The following OLAH variants were observed in gnomAD, a reference collection of about 807,000 sequenced individuals.
OLAH encodes S-acyl fatty acid synthase thioesterase, medium chain.
Under a neutral mutation model 27.8 loss-of-function variants are expected in OLAH, and 33 were observed. The ratio of observed to expected loss-of-function variants is 1.19; its 90% CI spans 0.90 to 1.59. The LOEUF is 1.59. Ranked by LOEUF, OLAH falls within the 40% of genes most tolerant of loss-of-function variation. The pLI is 0.00. For synonymous variants in OLAH, 120 were observed against 102.9 expected, an observed-to-expected ratio of 1.17 and a Z score of -1.01; for missense variants, 359 against 310.8, an observed-to-expected ratio of 1.16 and a Z score of -1.17.
intron 6 of OLAH, among the ~76,000 whole-genome samples, chr10:15,069,923 C>T (rs1484690260): frequency 6.6e-6 from 1 of 152,024 alleles, no homozygotes; most frequent in East Asian, 1.9e-4. Context: ...TCTAACACAC[C>T]GTTCTCACTG....
chr10:15,057,115 T>G, intron 3 of OLAH: 1 of 1,154,044 alleles, frequency 8.7e-7, no homozygotes, highest in East Asian at 3.2e-5. Flanking sequence ...TTTATGCTTT[T>G]TATGGCTTGC....
At chr10:15,044,512 T>G (rs1843978778) in intron 1 of OLAH, among the ~76,000 whole-genome samples, 1 of 151,988 alleles carries the variant, frequency 6.6e-6, no homozygotes. Flanking sequence ...TGGAGTACAA[T>G]GGTGCAATCT....
chr10:15,063,561 C>T (rs984820874), intron 4 of OLAH, among the ~76,000 whole-genome samples: 2 of 152,182 alleles, frequency 1.3e-5, no homozygotes, highest in East Asian at 3.8e-4. Context: ...CAACCTCTGG[C>T]AGTTTTGTCA....
intron 3 of OLAH, among the ~76,000 whole-genome samples, chr10:15,056,623 C>T (rs542155625): frequency 2.6e-4 from 38 of 146,440 alleles, no homozygotes; most frequent in Non-Finnish European, 3.3e-4. Context: ...CCTTCCTTTC[C>T]TTCCTTCCTT....
intron 1 of OLAH, among the ~76,000 whole-genome samples, chr10:15,035,653 T>C (rs1029373851): frequency 2.0e-5 from 3 of 151,878 alleles, no homozygotes; most frequent in Non-Finnish European, 2.9e-5. Context: ...CCAAACTATA[T>C]CAAGCGCCAT....
At chr10:15,044,652 T>C (rs1843981354) in intron 1 of OLAH, among the ~76,000 whole-genome samples, 1 of 152,134 alleles carries the variant, frequency 6.6e-6, no homozygotes, top group Non-Finnish European at 1.5e-5. Context: ...ACTTAGTTTT[T>C]ACTTGTCTGA....
At chr10:15,070,780 C>CT (rs71390010) in intron 6 of OLAH, among the ~76,000 whole-genome samples, 1,140 of 99,866 alleles carry the variant, frequency 0.011, 14 homozygotes, top group African/African-American at 0.027. Flanking sequence ...CACGCCTGAA[C>CT]TTTTTTTTTT....
chr10:15,048,248 C>T (rs1337935962), intron 2 of OLAH, among the ~76,000 whole-genome samples: 1 of 152,128 alleles, frequency 6.6e-6, no homozygotes, highest in Non-Finnish European at 1.5e-5. Flanking sequence ...GACAGAGTCT[C>T]ACTCTGTCAC....
Position 15,047,680 on chromosome 10 carries a change from G to T in OLAH, c.32+360G>T, listed in dbSNP as rs545239462. ...AGATCGCGCCACTGCACTCCAGCCT[G>T]GTTGACAGCAAGAATCCATCTCAAA... On this transcript the variant is annotated intron_variant, in intron 2 of 7. Coordinates refer to ENST00000378228, the MANE Select transcript of OLAH (RefSeq NM_001039702.3). 1.9e-4 allele frequency among the ~76,000 whole-genome samples: 29 copies of T among 152,176 alleles called. No homozygotes were observed. The South Asian group carries it at 5.0e-3, about 26-fold the overall frequency.
intron 3 of OLAH, among the ~76,000 whole-genome samples, chr10:15,061,123 A>G (rs1373985479): frequency 1.3e-5 from 2 of 152,180 alleles, no homozygotes; most frequent in Non-Finnish European, 2.9e-5. Context: ...GATAACATAA[A>G]TAAACTTCAA....
chr10:15,039,940 C>T (rs1332744683), upstream of OLAH, among the ~76,000 whole-genome samples: 1 of 152,198 alleles, frequency 6.6e-6, no homozygotes, highest in Non-Finnish European at 1.5e-5. Flanking sequence ...CACTTTGCTT[C>T]TGAACCCCTG....
chr10:15,065,087 T>C (rs1023981928), intron 5 of OLAH, among the ~76,000 whole-genome samples: 1 of 152,254 alleles, frequency 6.6e-6, no homozygotes, highest in Admixed American at 6.5e-5. Context: ...TGTTTCCTAC[T>C]GGTACTATTC....
intron 6 of OLAH, among the ~76,000 whole-genome samples, chr10:15,067,888 C>G (rs1030777949): frequency 2.6e-5 from 4 of 152,220 alleles, no homozygotes; most frequent in Non-Finnish European, 4.4e-5. Context: ...GAAGCTGTGA[C>G]TACTTCAGCT....
At chr10:15,046,930 C>T (rs1396331951) in intron 1 of OLAH, among the ~76,000 whole-genome samples, 196 bp from the exon 2 acceptor site, 1 of 152,132 alleles carries the variant, frequency 6.6e-6, no homozygotes, top group Non-Finnish European at 1.5e-5. Flanking sequence ...TATACGTGAG[C>T]AGTCCTGTTA....
At chr10:15,038,257 G>A (rs1189599471) in intron 1 of OLAH, among the ~76,000 whole-genome samples, 2 of 152,222 alleles carry the variant, frequency 1.3e-5, no homozygotes, top group Non-Finnish European at 2.9e-5. Flanking sequence ...CTGATAGGCG[G>A]AAGGGACTCA....
chr10:15,037,618 G>C (rs1383941898), intron 1 of OLAH, among the ~76,000 whole-genome samples: 1 of 151,218 alleles, frequency 6.6e-6, no homozygotes, highest in East Asian at 1.9e-4. Flanking sequence ...TAACTGTGGA[G>C]GCTGGGCACA....
chr10:15,057,798 C>G (rs576040079), intron 3 of OLAH, among the ~76,000 whole-genome samples: 2 of 151,990 alleles, frequency 1.3e-5, no homozygotes, highest in Non-Finnish European at 2.9e-5. Context: ...TTCCTTGATG[C>G]CTTCATGGAA....
chr10:15,060,694 G>A (rs558308079), intron 3 of OLAH, among the ~76,000 whole-genome samples: 42 of 152,030 alleles, frequency 2.8e-4, no homozygotes, highest in Admixed American at 8.5e-4. Context: ...TTTAATAACC[G>A]TTTAAGGTCC....
chr10:15,036,444 C>G (rs1843841710), intron 1 of OLAH, among the ~76,000 whole-genome samples: 1 of 152,020 alleles, frequency 6.6e-6, no homozygotes, highest in African/African-American at 2.4e-5. Flanking sequence ...TTGCAGTGAG[C>G]TGAGATTGCG....
Sources: allele counts gnomAD v4.1 joint callset (sites outside exome capture counted in the v4.1 genomes callset), GRCh38; gene constraint gnomAD v4.1.1; transcripts MANE v1.5; gene names NCBI Gene and HGNC (gene_info 2026-07-23, HGNC 2026-07-21).